COPZ1: variants seen among roughly 807,000 people sequenced by gnomAD.
COPZ1 encodes coat protein complex I subunit zeta 1, also known as coatomer subunit zeta-1.
Under a neutral mutation model 31.7 loss-of-function variants are expected in COPZ1, and 4 were observed. The observed-to-expected ratio is 0.13, with a 90% confidence interval of 0.06 to 0.29. The LOEUF (loss-of-function observed/expected upper bound fraction) is 0.29. Ranked by LOEUF, COPZ1 falls within the 10% of genes least tolerant of loss-of-function variation. The pLI is 1.00. For missense variants in COPZ1, 156 were observed against 211.5 expected (o/e 0.74, Z 1.63); for synonymous variants, 74 against 79.0 (o/e 0.94, Z 0.33).
At chr12:54,339,595 C>T (rs1298393945) in intron 1 of COPZ1, among the ~76,000 whole-genome samples, 1 of 152,082 alleles carries the variant, frequency 6.6e-6, no homozygotes, top group Middle Eastern at 3.2e-3. Context: ...AATCCTCCTG[C>T]CTCAGCCTCC....
chr12:54,333,823 TG>T (rs1311912989), intron 1 of COPZ1, among the ~76,000 whole-genome samples: 1 of 152,182 alleles, frequency 6.6e-6, no homozygotes, highest in Non-Finnish European at 1.5e-5. Context: ...AGTCATGTGT[TG>T]AGTTTTTTCT....
rs965418545 is a variant in COPZ1, at chr12:54,351,382, T to C, written c.*859T>C. On this transcript the variant is annotated 3_prime_UTR_variant, in exon 9 of 9. Transcript: ENST00000262061. ...AGAACTGGGGAAGGAGTGGAACTTA[T>C]GACTTGGGCCTCTAGGCTGTCTCTG... The C allele has an allele frequency of 5.3e-5, 8 of 152,194 alleles. 1 individual carries two copies. In the East Asian group the frequency reaches 7.7e-4, roughly 15 times the overall value. 9.4% of individuals were successfully genotyped at this position (152,194 alleles called of 1,614,324 possible). A position where few individuals can be genotyped will look rare whatever the true frequency, so the allele number is the denominator to read the frequency against.
At chr12:54,326,073 G>T (rs1173223703) in intron 1 of COPZ1, among the ~76,000 whole-genome samples, 1 of 150,274 alleles carries the variant, frequency 6.7e-6, no homozygotes, top group Non-Finnish European at 1.5e-5. Flanking sequence ...CGCCCGCCTC[G>T]GCCTCCCAAA....
At chr12:54,337,735 T>C (rs1017976815) in intron 1 of COPZ1, among the ~76,000 whole-genome samples, 1 of 152,222 alleles carries the variant, frequency 6.6e-6, no homozygotes, top group Non-Finnish European at 1.5e-5. Flanking sequence ...TTTAGTATGC[T>C]TCCTCCTTTG....
chr12:54,329,496 A>C (rs1404336378), intron 1 of COPZ1, among the ~76,000 whole-genome samples: 1 of 152,118 alleles, frequency 6.6e-6, no homozygotes, highest in Non-Finnish European at 1.5e-5. Context: ...AGGCAGGAGA[A>C]TCGCTTGAAC....
chr12:54,350,400 G>A (rs1954127354), intron 8 of COPZ1, 76 bp from the exon 9 acceptor site: 4 of 1,130,814 alleles, frequency 3.5e-6, no homozygotes, highest in Middle Eastern at 1.9e-4. Context: ...ACAAGTGAGG[G>A]GAAGGAGATC....
chr12:54,333,166 C>T (rs557294178), intron 1 of COPZ1, among the ~76,000 whole-genome samples: 14 of 152,244 alleles, frequency 9.2e-5, no homozygotes, highest in African/African-American at 3.1e-4. Context: ...GCCTCAGCCT[C>T]CTGAATAGCT....
At chr12:54,349,714 C>G (rs764864677) in intron 8 of COPZ1, 56 bp downstream of exon 8, 2 of 1,313,430 alleles carry the variant, frequency 1.5e-6, no homozygotes, top group Admixed American at 1.7e-5. Flanking sequence ...GAGGCTAGAA[C>G]AGCATTCCAC....
intron 2 of COPZ1, 72 bp from the exon 3 acceptor site, chr12:54,342,134 C>T: frequency 1.8e-6 from 2 of 1,095,382 alleles, no homozygotes; most frequent in East Asian, 2.4e-5. Flanking sequence ...GATCCCAGGG[C>T]AAAACATAGT....
intron 1 of COPZ1, among the ~76,000 whole-genome samples, chr12:54,339,146 G>C (rs1953924475): frequency 6.6e-6 from 1 of 151,824 alleles, no homozygotes; most frequent in South Asian, 2.1e-4. Context: ...GTCAAGGAAT[G>C]TAGGTCGGGC....
At chr12:54,339,980 C>CGTGTGTGTGTGTGT (rs10522684) in intron 1 of COPZ1, among the ~76,000 whole-genome samples, 8 of 142,064 alleles carry the variant, frequency 5.6e-5, no homozygotes, top group African/African-American at 1.8e-4. Context: ...TGTGCCTGTG[C>CGTGTGTGTGTGTGT]GTGTGTGTGT....
intron 1 of COPZ1, among the ~76,000 whole-genome samples, chr12:54,329,450 G>T (rs558921634): frequency 6.6e-6 from 1 of 152,116 alleles, no homozygotes; most frequent in East Asian, 1.9e-4. Context: ...GGGCGTGGTG[G>T]CATGCGCTTG....
chr12:54,341,200 C>T (rs1196222058), intron 2 of COPZ1, among the ~76,000 whole-genome samples: 1 of 152,122 alleles, frequency 6.6e-6, no homozygotes, highest in Non-Finnish European at 1.5e-5. Context: ...TCCATCATTC[C>T]TGTCCCCTTC....
intron 1 of COPZ1, among the ~76,000 whole-genome samples, chr12:54,330,497 A>G (rs1186561898): frequency 6.6e-6 from 1 of 152,066 alleles, no homozygotes; most frequent in Non-Finnish European, 1.5e-5. Context: ...CAGTGGTGGG[A>G]AAGAGTTGGT....
intron 1 of COPZ1, among the ~76,000 whole-genome samples, chr12:54,329,321 C>T (rs1218362536): frequency 2.0e-5 from 3 of 151,754 alleles, no homozygotes; most frequent in Non-Finnish European, 4.4e-5. Flanking sequence ...TTACTCGGGC[C>T]GGGCTCGGTG....
rs761335864 is a variant in COPZ1 at position 54,350,353 on chromosome 12, G to A, written c.487-123G>A. ...CTTCTTCCCATCTCTTTACCCTTGG[G>A]GATTTTCTATTCTCCATTCTTCTAA... On this transcript the variant is annotated intron_variant, in intron 8 of 8. Coordinates refer to ENST00000262061, the MANE Select transcript of COPZ1 (RefSeq NM_016057.3). The A allele has an allele frequency of 9.6e-5, 80 of 837,490 alleles. No individual in the cohort carries two copies. The East Asian group carries it at 1.5e-3, about 15-fold the overall frequency. The allele number at this position is 837,490 out of a possible 1,614,324, so 51.9% of individuals were successfully genotyped here. A position where few individuals can be genotyped will look rare whatever the true frequency, so the allele number is the denominator to read the frequency against.
intron 1 of COPZ1, among the ~76,000 whole-genome samples, chr12:54,336,049 G>T (rs1046153440): frequency 1.4e-4 from 22 of 152,052 alleles, no homozygotes; most frequent in Admixed American, 9.2e-4. Flanking sequence ...AGGCTTCTTG[G>T]TTTTTTCCCC....
In COPZ1 at chr12:54,350,957, C is replaced by G. The variant is rs1592213822; in HGVS notation, c.*434C>G. On this transcript the variant is annotated 3_prime_UTR_variant, in exon 9 of 9. Transcript: ENST00000262061. ...AGCAAGGGGAGAGAGAAAGAGAATT[C>G]TTTTCTATAGAACGAGTGGGGGCGG... is the stretch of plus-strand genomic sequence containing the variant. The G allele has an allele frequency of 1.0e-5, 2 of 197,404 alleles. No individual in the cohort carries two copies. 12.2% of individuals were successfully genotyped at this position (197,404 alleles called of 1,614,324 possible).
intron 2 of COPZ1, 118 bp downstream of exon 2, chr12:54,340,733 TC>T (rs1319092949): frequency 9.1e-7 from 1 of 1,095,282 alleles, no homozygotes; most frequent in Non-Finnish European, 1.3e-6. Context: ...TGAGAATACT[TC>T]CATCTTTTTT....
Sources: allele counts gnomAD v4.1 joint callset (sites outside exome capture counted in the v4.1 genomes callset), GRCh38; gene constraint gnomAD v4.1.1; transcripts MANE v1.5; gene names NCBI Gene and HGNC (gene_info 2026-07-23, HGNC 2026-07-21).